The following ADAM32 variants were observed in gnomAD, a reference collection of about 807,000 sequenced individuals.
The protein encoded by ADAM32 is ADAM metallopeptidase domain 32.
Under a neutral mutation model 114.9 loss-of-function variants are expected in ADAM32, and 89 were observed. The observed-to-expected ratio is 0.77, with a 90% CI of 0.65 to 0.92. The LOEUF is 0.92. Ranked by LOEUF, ADAM32 falls within the 40% of genes least tolerant of loss-of-function variation. The pLI is 0.00. For missense variants in ADAM32, 870 were observed against 932.8 expected (o/e 0.93, Z 0.88); for synonymous variants, 285 against 307.5 (o/e 0.93, Z 0.77).
chr8:39,165,678 A>G (rs1804787136), intron 9 of ADAM32: 1 of 152,144 alleles, frequency 6.6e-6, no homozygotes, highest in South Asian at 2.1e-4. Flanking sequence ...TATATTTATA[A>G]TTGTATTCAT....
chr8:39,117,989 C>A (rs1045804459), intron 1 of ADAM32, 97 bp from the exon 2 acceptor site: 1 of 740,864 alleles, frequency 1.3e-6, no homozygotes, highest in African/African-American at 1.9e-5. Flanking sequence ...GATGAGCCAC[C>A]CATACCTGCA....
At chr8:39,280,547 T>A (rs1813358497) in intron 22 of ADAM32, among the ~76,000 whole-genome samples, 1 of 152,022 alleles carries the variant, frequency 6.6e-6, no homozygotes, top group Non-Finnish European at 1.5e-5. Flanking sequence ...TTCGAAGTAA[T>A]TTGAAAAACC....
rs559822615 is a variant in ADAM32, at chr8:39,188,109, TC to T, written c.1052+1066del. Among the ~76,000 whole-genome samples the T allele has an allele frequency of 3.0e-3, 454 of 152,268 alleles. 2 individuals carry two copies. The highest frequency in any genetic ancestry group is 1.0e-2 in the African/African-American group (414 of 41,552). On this transcript the variant is annotated intron_variant, in intron 11 of 24. Transcript: ENST00000379907. Reference sequence around the variant, plus strand: ...GAAAACATATTATTTTTATGGGTACTCCTAAGCACCTTTTAAGGGTTAACTC... The same window carrying T: ...GAAAACATATTATTTTTATGGGTACTCTAAGCACCTTTTAAGGGTTAACTC...
intron 19 of ADAM32, among the ~76,000 whole-genome samples, chr8:39,265,253 C>T (rs991117345): frequency 2.6e-5 from 4 of 152,106 alleles, no homozygotes; most frequent in Non-Finnish European, 4.4e-5. Flanking sequence ...TTATGTAATG[C>T]TCTTCTTTGT....
chr8:39,270,884 C>T lies in ADAM32; in HGVS notation c.2171C>T (p.Ser724Leu), dbSNP rs758758413. Reference protein sequence around the residue: ...EEEFPSSESKSEGSTQTYASQ... With the variant: ...EEEFPSSESKLEGSTQTYASQ... The stretch of plus-strand genomic sequence containing the variant: ...TTTCAATTTCTTTTTAGATCTAAAT[C>T]GGAAGGTAGCACACAGACATATGCC... The change falls in exon 20 of 25, where the codon TCG (serine) becomes TTG (leucine). Residue 724 changes from serine to leucine, a missense_variant. By Grantham distance (145) the Ser-to-Leu change is moderately radical. Transcript: ENST00000379907. 20 of 1,609,464 alleles carry T rather than the reference C, an allele frequency of 1.2e-5. No homozygotes were observed. The highest frequency in any genetic ancestry group is 3.4e-5 in the Admixed American group (2 of 59,352).
chr8:39,234,271 AC>A (rs1284146630), intron 16 of ADAM32, among the ~76,000 whole-genome samples, 189 bp downstream of exon 16: 1 of 55,932 alleles, frequency 1.8e-5, no homozygotes, highest in Non-Finnish European at 3.9e-5. Context: ...ACCCCCTCCC[AC>A]CCCCCATTAG....
chr8:39,176,034 C>T (rs1370270016), intron 10 of ADAM32, among the ~76,000 whole-genome samples: 1 of 152,096 alleles, frequency 6.6e-6, no homozygotes, highest in East Asian at 1.9e-4. Flanking sequence ...GTGATATCCC[C>T]CTTATCATTT....
Position 39,160,943 on chromosome 8 carries a change from A to G in ADAM32, c.572A>G (p.His191Arg), listed in dbSNP as rs1234089706. The G allele has an allele frequency of 6.3e-7, 1 of 1,598,460 alleles. No homozygotes were observed. The highest frequency in any genetic ancestry group is 1.7e-5 in the Admixed American group (1 of 57,552). The change falls in exon 7 of 25, where the codon CAT becomes CGT. Residue 191 changes from histidine to arginine, a missense_variant. By Grantham distance (29) the His-to-Arg change is conservative. Coordinates refer to ENST00000379907, the MANE Select transcript of ADAM32 (RefSeq NM_145004.7). ...PDLFPLYLEM[H>R]IVVDKTLYDY... ...TTATTTCCTCTTTATCTAGAAATGCATATTGTGGTGGACAAAACTTTGGTA... is the reference window on the plus strand; with the variant it reads ...TTATTTCCTCTTTATCTAGAAATGCGTATTGTGGTGGACAAAACTTTGGTA...
intron 6 of ADAM32, among the ~76,000 whole-genome samples, chr8:39,156,809 C>G (rs1244105402): frequency 6.6e-6 from 1 of 152,132 alleles, no homozygotes; most frequent in Non-Finnish European, 1.5e-5. Flanking sequence ...TATAAAGATA[C>G]CAGTTACATT....
chr8:39,231,430 G>C (rs928880597), intron 14 of ADAM32, among the ~76,000 whole-genome samples: 13 of 152,124 alleles, frequency 8.5e-5, no homozygotes, highest in African/African-American at 2.9e-4. Context: ...TCTCAGCATA[G>C]AGAAAATATG....
At chr8:39,248,910 T>G (rs1225095345) in intron 17 of ADAM32, among the ~76,000 whole-genome samples, 2 of 151,330 alleles carry the variant, frequency 1.3e-5, no homozygotes, top group Admixed American at 6.6e-5. Context: ...TTGACTTTTT[T>G]TTTTTTTTTT....
At chr8:39,247,778 GT>G (rs34655354) in intron 17 of ADAM32, among the ~76,000 whole-genome samples, 19,760 of 139,520 alleles carry the variant, frequency 0.14, 1,459 homozygotes, top group South Asian at 0.26. Flanking sequence ...GGTCATCCAG[GT>G]TTTTTTTTTT....
chr8:39,204,485 GT>G lies in ADAM32; in HGVS notation c.1053-6658del, dbSNP rs1246328649. ...GTGCCATGGTTTTCAGCTCCATCAG[GT>G]CATTTAAGGACTTCTCTACACTGGT... On this transcript the variant is annotated intron_variant, in intron 11 of 24. Coordinates refer to ENST00000379907, the MANE Select transcript of ADAM32 (RefSeq NM_145004.7). Among the ~76,000 whole-genome samples the G allele has an allele frequency of 5.3e-5, 8 of 152,278 alleles. No individual in the cohort carries two copies. The East Asian group carries it at 1.5e-3, about 29-fold the overall frequency.
chr8:39,170,042 A>C, intron 10 of ADAM32, 45 bp downstream of exon 10: 1 of 1,385,712 alleles, frequency 7.2e-7, no homozygotes, highest in Non-Finnish European at 1.0e-6. Context: ...CACGTTTAAA[A>C]ATTATTTGAC....
chr8:39,203,116 G>T (rs1404127963), intron 11 of ADAM32, among the ~76,000 whole-genome samples: 2 of 152,214 alleles, frequency 1.3e-5, no homozygotes, highest in African/African-American at 4.8e-5. Context: ...CTGTTGATTT[G>T]GGGTGGAGAG....
intron 14 of ADAM32, among the ~76,000 whole-genome samples, chr8:39,227,376 C>T (rs2129449072): frequency 6.6e-6 from 1 of 152,244 alleles, no homozygotes; most frequent in Non-Finnish European, 1.5e-5. Flanking sequence ...TTCTCTGGGT[C>T]CCCAGGCAGA....
At chr8:39,175,549 C>G (rs1805473264) in intron 10 of ADAM32, among the ~76,000 whole-genome samples, 1 of 152,160 alleles carries the variant, frequency 6.6e-6, no homozygotes, top group African/African-American at 2.4e-5. Flanking sequence ...AGTGGATAAG[C>G]TTTTTGATGT....
intron 11 of ADAM32, among the ~76,000 whole-genome samples, chr8:39,206,661 A>C (rs1807856231): frequency 6.6e-6 from 1 of 152,212 alleles, no homozygotes; most frequent in African/African-American, 2.4e-5. Flanking sequence ...TTCTTGGTGC[A>C]CTGCACCACT....
chr8:39,148,061 G>C (rs1194254318), intron 4 of ADAM32, among the ~76,000 whole-genome samples: 1 of 152,064 alleles, frequency 6.6e-6, no homozygotes, highest in Non-Finnish European at 1.5e-5. Context: ...TTACAGGTGT[G>C]AGCCACCGCA....
Sources: gnomAD v4.1 joint callset for allele counts (sites outside exome capture counted in the v4.1 genomes callset) on GRCh38, gnomAD v4.1.1 for gene constraint, MANE v1.5 for transcripts, NCBI Gene and HGNC (gene_info 2026-07-23, HGNC 2026-07-21) for gene names.